The following OSR2 variants were observed in gnomAD, a reference collection of about 807,000 sequenced individuals.
The protein encoded by OSR2 is protein odd-skipped-related 2.
Under a neutral mutation model 22.3 loss-of-function variants are expected in OSR2, and 8 were observed. That is an observed-to-expected ratio of 0.36 (90% CI 0.21 to 0.65). The LOEUF (loss-of-function observed/expected upper bound fraction) is 0.65. Ranked by LOEUF, OSR2 falls within the 30% of genes least tolerant of loss-of-function variation. The pLI, the probability that OSR2 is intolerant of heterozygous loss-of-function variation, is 0.66. For missense variants in OSR2, 311 were observed against 413.4 expected (o/e 0.75, Z 2.15); for synonymous variants, 179 against 173.8 (o/e 1.03, Z -0.23).
At position 98,948,088 on chromosome 8, in the gene OSR2, G is replaced by C; in HGVS notation, c.-114-751G>C. On this transcript the variant is annotated intron_variant, in intron 1 of 3. Coordinates refer to ENST00000297565, the MANE Select transcript of OSR2 (RefSeq NM_001142462.3). The surrounding 1 kb of genome is among the most constrained non-coding windows in gnomAD (Gnocchi z 6.0). ...TAGTCGGGGGTTGGGAGGAGAGCCC[G>C]TGGATAGGAGGAGGGGGCGATTCTA... 3 of 1,338,266 alleles carry C rather than the reference G, an allele frequency of 2.2e-6. No homozygotes were observed. Among genetic ancestry groups the C allele is most frequent in the Non-Finnish European group, 1.9e-6 (2 of 1,045,654 alleles). The allele number at this position is 1,338,266 out of a possible 1,614,324, so 82.9% of individuals were successfully genotyped here. A position where few individuals can be genotyped will look rare whatever the true frequency, so the allele number is the denominator to read the frequency against.
chr8:98,948,580 C>T lies in OSR2; in HGVS notation c.-114-259C>T. The T allele has an allele frequency of 9.0e-7, 1 of 1,117,244 alleles. No individual in the cohort carries two copies. The highest frequency in any genetic ancestry group is 1.7e-5 in the South Asian group (1 of 59,220). The allele number at this position is 1,117,244 out of a possible 1,614,324, so 69.2% of individuals were successfully genotyped here. A position where few individuals can be genotyped will look rare whatever the true frequency, so the allele number is the denominator to read the frequency against. ...GAGGAGTCTTCCGCTCCGTATCTGC[C>T]TAGAGTCTGAATCCGACTTTCTTTC... On this transcript the variant is annotated intron_variant, in intron 1 of 3. Coordinates refer to ENST00000297565, the MANE Select transcript of OSR2 (RefSeq NM_001142462.3). This position sits in a 1 kb window ranked among gnomAD's most constrained non-coding sequence, Gnocchi z 6.0.
chr8:98,950,960 G>A (rs1055816317), intron 3 of OSR2: 13 of 602,596 alleles, frequency 2.2e-5, no homozygotes, highest in African/African-American at 1.1e-4. Flanking sequence ...CTCAAAAAAC[G>A]GCCACTTTGA....
Position 98,949,393 on chromosome 8 carries a change from C to G in OSR2, c.441C>G (p.Ile147Met). Reference sequence around the variant, plus strand: ...TGAGCCCAGGACTGGGTAGCCCCATCTCGGGCCTCAGTAAATTGACTCCGG... The same window carrying G: ...TGAGCCCAGGACTGGGTAGCCCCATGTCGGGCCTCAGTAAATTGACTCCGG... ...SKLSPGLGSP[I>M]SGLSKLTPDR... Residue 147 changes from isoleucine (I) to methionine (M), a missense_variant, in exon 2 of 4, where the codon ATC becomes ATG. Physicochemically the swap from Ile to Met is conservative, Grantham distance 10. Transcript: ENST00000297565. The surrounding 1 kb of genome is among the most constrained non-coding windows in gnomAD (Gnocchi z 5.9). 7 of 1,613,652 alleles carry G rather than the reference C, an allele frequency of 4.3e-6. No homozygotes were observed. The highest frequency in any genetic ancestry group is 5.9e-6 in the Non-Finnish European group (7 of 1,179,650).
Position 98,948,557 on chromosome 8 carries a change from G to T in OSR2, c.-114-282G>T, listed in dbSNP as rs750674307. Reference sequence around the variant, plus strand: ...CCGCCTTTCGTTTTCCTGGGACCGAGGAGTCTTCCGCTCCGTATCTGCCTA... The same window carrying T: ...CCGCCTTTCGTTTTCCTGGGACCGATGAGTCTTCCGCTCCGTATCTGCCTA... On this transcript the variant is annotated intron_variant, in intron 1 of 3. Coordinates refer to ENST00000297565, the MANE Select transcript of OSR2 (RefSeq NM_001142462.3). This position sits in a 1 kb window ranked among gnomAD's most constrained non-coding sequence, Gnocchi z 6.0. The T allele has an allele frequency of 6.4e-5, 79 of 1,234,090 alleles. No individual in the cohort carries two copies. The highest frequency in any genetic ancestry group is 7.5e-5 in the Non-Finnish European group (69 of 922,870). 76.4% of individuals were successfully genotyped at this position (1,234,090 alleles called of 1,614,324 possible).
At chr8:98,945,418 GC>G (rs1184763313) in intron 1 of OSR2, among the ~76,000 whole-genome samples, 2 of 152,236 alleles carry the variant, frequency 1.3e-5, no homozygotes, top group African/African-American at 2.4e-5. Context: ...GAAAGGAGTT[GC>G]AGTTGTACGA....
At position 98,948,291 on chromosome 8, in the gene OSR2, C is replaced by A. The variant is rs946820098; in HGVS notation, c.-114-548C>A. 6.6e-7 allele frequency: 1 copy of A among 1,522,762 alleles called. No homozygotes were observed. The highest frequency in any genetic ancestry group is 2.0e-5 in the Admixed American group (1 of 49,600). 94.3% of individuals were successfully genotyped at this position (1,522,762 alleles called of 1,614,324 possible). On this transcript the variant is annotated intron_variant, in intron 1 of 3. Transcript: ENST00000297565. This position sits in a 1 kb window ranked among gnomAD's most constrained non-coding sequence, Gnocchi z 6.0. Reference sequence around the variant, plus strand: ...GAAGCGCGCCGGCTTCGCTCTTGCACGCCGGCTTGCCATCCGGGTAAGCGC... The same window carrying A: ...GAAGCGCGCCGGCTTCGCTCTTGCAAGCCGGCTTGCCATCCGGGTAAGCGC...
At position 98,948,358 on chromosome 8, in the gene OSR2, GGATCTCAC is replaced by G. The variant is rs1299667003; in HGVS notation, c.-114-478_-114-471del. On this transcript the variant is annotated intron_variant, in intron 1 of 3. Transcript: ENST00000297565. This position sits in a 1 kb window ranked among gnomAD's most constrained non-coding sequence, Gnocchi z 6.0. ...GGGCGCGGCGGCAGCGCAGCGCGTG[GGATCTCAC>G]GACCCATCCGTTAACCCACCGTTCC... 6.6e-7 allele frequency: 1 copy of G among 1,518,170 alleles called. No individual in the cohort carries two copies. Among genetic ancestry groups the G allele is most frequent in the East Asian group, 2.5e-5 (1 of 40,180 alleles). 94.0% of individuals were successfully genotyped at this position (1,518,170 alleles called of 1,614,324 possible). A position where few individuals can be genotyped will look rare whatever the true frequency, so the allele number is the denominator to read the frequency against.
At position 98,949,173 on chromosome 8, in the gene OSR2, C is replaced by T. The variant is rs780034291; in HGVS notation, c.221C>T (p.Ala74Val). 4 of 1,602,962 alleles carry T rather than the reference C, an allele frequency of 2.5e-6. No homozygotes were observed. Among genetic ancestry groups the T allele is most frequent in the Non-Finnish European group, 3.4e-6 (4 of 1,174,770 alleles). ...ITRSTITEMA[A>V]AQGLVDARFP... ...CGCTCCACCATCACGGAGATGGCGG[C>T]GGCGCAGGGCCTCGTGGACGCGCGC... The change falls in exon 2 of 4, where the codon GCG becomes GTG. Residue 74 changes from alanine (A) to valine (V), a missense_variant. Around this residue, in one of 5 missense-constraint regions of OSR2, gnomAD observed 146 missense variants for 160.5 expected, o/e 0.91. Coordinates refer to ENST00000297565, the MANE Select transcript of OSR2 (RefSeq NM_001142462.3). This position sits in a 1 kb window ranked among gnomAD's most constrained non-coding sequence, Gnocchi z 5.9.
At chr8:98,947,242 G>A (rs1328698861) in intron 1 of OSR2, among the ~76,000 whole-genome samples, 1 of 151,860 alleles carries the variant, frequency 6.6e-6, no homozygotes, top group Non-Finnish European at 1.5e-5. Context: ...ATAAATCTCT[G>A]TCCCGAGCCC....
intron 1 of OSR2, chr8:98,946,211 G>A (rs1266418263): frequency 6.6e-6 from 1 of 152,226 alleles, no homozygotes; most frequent in Non-Finnish European, 1.5e-5. Flanking sequence ...TTCCTTGCAA[G>A]ATTAAAAGTA....
rs770951935 is a variant in OSR2, at chr8:98,951,688, G to C, written c.926G>C (p.Arg309Pro). Residue 309 changes from arginine (R) to proline (P), a missense_variant, in exon 4 of 4, where the codon CGG becomes CCG. Transcript: ENST00000297565. ...CGGCACAGCCTGACTCACACCCCGC[G>C]GCAGGACTTCTAGAGAAGCCCAGGA... is the stretch of plus-strand genomic sequence containing the variant. ...LRRHSLTHTP[R>P]QDF The C allele has an allele frequency of 1.2e-6, 2 of 1,612,954 alleles. No individual in the cohort carries two copies. Among genetic ancestry groups the C allele is most frequent in the African/African-American group, 1.3e-5 (1 of 74,890 alleles).
At chr8:98,946,837 G>T (rs895627071) in intron 1 of OSR2, among the ~76,000 whole-genome samples, 1 of 152,092 alleles carries the variant, frequency 6.6e-6, no homozygotes, top group African/African-American at 2.4e-5. Context: ...AAGAAATCTA[G>T]TCTGGGAATA....
At chr8:98,950,221 A>C (rs1840741196) in intron 2 of OSR2, among the ~76,000 whole-genome samples, 1 of 152,152 alleles carries the variant, frequency 6.6e-6, no homozygotes, top group African/African-American at 2.4e-5. Context: ...AGACCTTTTT[A>C]GCGGTATCTT....
At chr8:98,947,439 G>A (rs1451573288) in intron 1 of OSR2, among the ~76,000 whole-genome samples, 1 of 152,146 alleles carries the variant, frequency 6.6e-6, no homozygotes, top group Admixed American at 6.5e-5. Flanking sequence ...AGTCTCTCCT[G>A]CCTTCCTGCT....
intron 1 of OSR2, among the ~76,000 whole-genome samples, chr8:98,946,837 G>A (rs895627071): frequency 4.6e-5 from 7 of 152,210 alleles, no homozygotes; most frequent in South Asian, 4.1e-4. Flanking sequence ...AAGAAATCTA[G>A]TCTGGGAATA....
chr8:98,945,595 C>T (rs971084886), intron 1 of OSR2, among the ~76,000 whole-genome samples: 4 of 152,154 alleles, frequency 2.6e-5, no homozygotes, highest in African/African-American at 7.2e-5. Context: ...AAATTACTCA[C>T]GCAGGGGGAG....
intron 1 of OSR2, among the ~76,000 whole-genome samples, chr8:98,947,330 C>G (rs538332596): frequency 6.6e-6 from 1 of 152,098 alleles, no homozygotes; most frequent in South Asian, 2.1e-4. Flanking sequence ...GCGTAGCCCC[C>G]TAAGTCTGCT....
Position 98,949,757 on chromosome 8 carries a change from C to T in OSR2, c.656+149C>T. On this transcript the variant is annotated intron_variant, in intron 2 of 3. Coordinates refer to ENST00000297565, the MANE Select transcript of OSR2 (RefSeq NM_001142462.3). This position sits in a 1 kb window ranked among gnomAD's most constrained non-coding sequence, Gnocchi z 5.9. Reference sequence around the variant, plus strand: ...GCTCCTCAGCCCGGTTCAGCTAATTCCCAACATCTACCCTTTCTTTCCCCC... The same window carrying T: ...GCTCCTCAGCCCGGTTCAGCTAATTTCCAACATCTACCCTTTCTTTCCCCC... 2 of 954,812 alleles carry T rather than the reference C, an allele frequency of 2.1e-6. No homozygotes were observed. Among genetic ancestry groups the T allele is most frequent in the South Asian group, 1.8e-5 (1 of 56,186 alleles). 59.1% of individuals were successfully genotyped at this position (954,812 alleles called of 1,614,324 possible). A position where few individuals can be genotyped will look rare whatever the true frequency, so the allele number is the denominator to read the frequency against.
intron 2 of OSR2, 60 bp from the exon 3 acceptor site, chr8:98,950,596 A>G: frequency 1.9e-6 from 2 of 1,063,482 alleles, no homozygotes; most frequent in South Asian, 1.5e-5. Flanking sequence ...AGTAATTGCT[A>G]AAAGTAACTC....
Sources: gnomAD v4.1 joint callset for allele counts (sites outside exome capture counted in the v4.1 genomes callset) on GRCh38, gnomAD v4.1.1 for gene constraint, gnomAD v4.1.1 regional missense constraint, Gnocchi (gnomAD v3.1) non-coding constraint, MANE v1.5 for transcripts, NCBI Gene and HGNC (gene_info 2026-07-23, HGNC 2026-07-21) for gene names.